Variants in EPM2A observed in about 807,000 individuals in gnomAD.
EPM2A encodes the protein laforin.
EPM2A carries 21 observed loss-of-function variants against 26.5 expected under a neutral mutation model. The observed-to-expected ratio is 0.79, with a 90% confidence interval of 0.56 to 1.14. The LOEUF (loss-of-function observed/expected upper bound fraction) is 1.14, where lower values mean the gene tolerates loss of function less well. EPM2A is among the 50% of genes most tolerant of loss of function. The pLI is 0.00. For missense variants in EPM2A, 458 were observed against 440.8 expected (o/e 1.04, Z -0.35); for synonymous variants, 217 against 177.6 (o/e 1.22, Z -1.76).
intron 2 of EPM2A, among the ~76,000 whole-genome samples, chr6:145,680,352 G>A (rs568654779): frequency 1.6e-3 from 221 of 140,844 alleles, no homozygotes; most frequent in African/African-American, 5.2e-3. Flanking sequence ...TTTTTTTTCT[G>A]CGTAAGTTTC....
At chr6:145,688,316 G>A (rs899526057) in intron 1 of EPM2A, among the ~76,000 whole-genome samples, 3 of 152,112 alleles carry the variant, frequency 2.0e-5, no homozygotes, top group Non-Finnish European at 4.4e-5. Context: ...GACTTTGAAA[G>A]GATTATGCAG....
At position 145,635,371 on chromosome 6, in the gene EPM2A, T is replaced by C. The variant is rs771562490; in HGVS notation, c.592A>G (p.Ile198Val). The C allele has an allele frequency of 5.0e-6, 8 of 1,614,188 alleles. No individual in the cohort carries two copies. The highest frequency in any genetic ancestry group is 6.8e-6 in the Non-Finnish European group (8 of 1,180,024). ...AVMNFQTEWD[I>V]VQNSSGCNRY... ...TTACAGCCTGAGGAATTCTGTACAA[T>C]ATCCCATTCAGTCTGGAAATTCATT... is the stretch of plus-strand genomic sequence containing the variant. The change falls in exon 3 of 4, where the codon ATT becomes GTT. Residue 198 changes from isoleucine (I) to valine (V), a missense_variant. Coordinates refer to ENST00000367519, the MANE Select transcript of EPM2A (RefSeq NM_005670.4).
chr6:145,391,002 G>T (rs1428322766), intron 4 of EPM2A, among the ~76,000 whole-genome samples: 1 of 152,058 alleles, frequency 6.6e-6, no homozygotes, highest in Admixed American at 6.6e-5. Flanking sequence ...CTGGTTGGGG[G>T]TTTGGAAACA....
At chr6:145,521,726 T>A (rs1436382269) in intron 2 of EPM2A, among the ~76,000 whole-genome samples, 1 of 152,094 alleles carries the variant, frequency 6.6e-6, no homozygotes, top group African/African-American at 2.4e-5. Context: ...ATTGTCAGAG[T>A]TAATATACTA....
chr6:145,389,611 A>C (rs1037933483), intron 4 of EPM2A, among the ~76,000 whole-genome samples: 4 of 152,242 alleles, frequency 2.6e-5, no homozygotes, highest in African/African-American at 9.6e-5. Flanking sequence ...TTCATACTGC[A>C]AGTGCCTAGA....
chr6:145,438,243 G>C (rs1227121857), intron 4 of EPM2A, among the ~76,000 whole-genome samples: 1 of 152,108 alleles, frequency 6.6e-6, no homozygotes, highest in African/African-American at 2.4e-5. Flanking sequence ...AACGGAAATA[G>C]AATAACAAAA....
chr6:145,606,614 T>G (rs1464652965), intron 2 of EPM2A, among the ~76,000 whole-genome samples: 2 of 152,120 alleles, frequency 1.3e-5, no homozygotes, highest in African/African-American at 2.4e-5. Context: ...TAAAAAGCTA[T>G]GCATGTAGTT....
intron 4 of EPM2A, among the ~76,000 whole-genome samples, chr6:145,462,921 C>A (rs1779344072): frequency 6.6e-6 from 1 of 152,138 alleles, no homozygotes; most frequent in Non-Finnish European, 1.5e-5. Flanking sequence ...GATTTAATAC[C>A]AAGATTTCTT....
At chr6:145,425,116 C>CCCTTCCATCCTTCATTCCTTCCTTCCTT (rs1778836545) in intron 4 of EPM2A, among the ~76,000 whole-genome samples, 1 of 131,846 alleles carries the variant, frequency 7.6e-6, no homozygotes, top group Admixed American at 8.1e-5. Context: ...ATGTAAGTCT[C>CCCTTCCATCCTTCATTCCTTCCTTCCTT]CCTTCCTTCC....
intron 2 of EPM2A, chr6:145,636,461 A>C (rs933399665): frequency 6.6e-6 from 1 of 151,244 alleles, no homozygotes; most frequent in African/African-American, 2.4e-5. Context: ...CTTCAGCCTG[A>C]GTGACAGAGT....
intron 2 of EPM2A, among the ~76,000 whole-genome samples, chr6:145,530,818 C>G (rs1419100043): frequency 6.6e-6 from 1 of 152,100 alleles, no homozygotes; most frequent in African/African-American, 2.4e-5. Flanking sequence ...GTAATTAATT[C>G]TTCTAGAAGG....
chr6:145,617,133 T>C (rs1431430967), intron 2 of EPM2A, among the ~76,000 whole-genome samples: 1 of 152,166 alleles, frequency 6.6e-6, no homozygotes, highest in Non-Finnish European at 1.5e-5. Context: ...AGGAACCCAA[T>C]AGGAGGTAAC....
chr6:145,456,349 A>T (rs1779262305), intron 4 of EPM2A, among the ~76,000 whole-genome samples: 1 of 152,222 alleles, frequency 6.6e-6, no homozygotes, highest in Non-Finnish European at 1.5e-5. Flanking sequence ...TTTTTGGATG[A>T]ATGAAAAGAC....
In EPM2A at chr6:145,506,726, GAGC is replaced by G. The variant is rs199665932; in HGVS notation, c.341-4154_341-4152del. Among the ~76,000 whole-genome samples the G allele has an allele frequency of 4.8e-3, 728 of 152,338 alleles. 24 individuals are homozygous for G. The East Asian group carries it at 0.087, about 18-fold the overall frequency. ...GTCATACAAATACTGTGCTGGCAGT[GAGC>G]AGGCCTAGAGGGCGTGGCCCAGTCT... On this transcript the variant is annotated intron_variant, in intron 2 of 3. Coordinates refer to the EPM2A transcript ENST00000450221.
chr6:145,558,056 A>C (rs900646120), intron 2 of EPM2A, among the ~76,000 whole-genome samples: 6 of 152,148 alleles, frequency 3.9e-5, no homozygotes, highest in African/African-American at 1.2e-4. Flanking sequence ...TTCAATTAAC[A>C]TAATGTCCTC....
chr6:145,603,327 T>C (rs373641271), intron 2 of EPM2A, among the ~76,000 whole-genome samples: 1 of 151,564 alleles, frequency 6.6e-6, no homozygotes, highest in East Asian at 1.9e-4. Context: ...CCCTTCAACC[T>C]GCAAATTGTC....
At chr6:145,569,404 G>A (rs1392778053) in intron 2 of EPM2A, among the ~76,000 whole-genome samples, 3 of 152,088 alleles carry the variant, frequency 2.0e-5, no homozygotes, top group Non-Finnish European at 4.4e-5. Context: ...ATCAGGCATC[G>A]GATTACAAAA....
At chr6:145,719,563 G>T (rs994676855) in intron 1 of EPM2A, among the ~76,000 whole-genome samples, 2 of 151,926 alleles carry the variant, frequency 1.3e-5, no homozygotes, top group Admixed American at 1.3e-4. Context: ...CATGGCACAT[G>T]TATACATATG....
intron 2 of EPM2A, among the ~76,000 whole-genome samples, chr6:145,676,369 T>C (rs1324196569): frequency 2.0e-5 from 3 of 151,860 alleles, no homozygotes; most frequent in Non-Finnish European, 4.4e-5. Context: ...AAAAGAACTG[T>C]AGAAGCAAGA....
Sources: gnomAD v4.1 joint callset for allele counts (sites outside exome capture counted in the v4.1 genomes callset) on GRCh38, gnomAD v4.1.1 for gene constraint, MANE v1.5 for transcripts, NCBI Gene and HGNC (gene_info 2026-07-23, HGNC 2026-07-21) for gene names.